GRID2: variants seen among roughly 807,000 people sequenced by gnomAD.
GRID2 encodes glutamate ionotropic receptor delta type subunit 2.
A neutral mutation model predicts 114.8 loss-of-function variants in GRID2; 33 were observed. The ratio of observed to expected loss-of-function variants is 0.29; its 90% confidence interval spans 0.22 to 0.38. The LOEUF is 0.38. Ranked by LOEUF, GRID2 falls within the 10% of genes least tolerant of loss-of-function variation. The pLI is 1.00. For missense variants in GRID2, 1,184 were observed against 1,257.7 expected, an observed-to-expected ratio of 0.94 and a Z score of 0.89; for synonymous variants, 505 against 449.9, an observed-to-expected ratio of 1.12 and a Z score of -1.55.
intron 13 of GRID2, among the ~76,000 whole-genome samples, chr4:93,557,835 G>T (rs555402313): frequency 5.3e-5 from 8 of 152,202 alleles, no homozygotes; most frequent in African/African-American, 1.9e-4. Flanking sequence ...CACATAATTG[G>T]AAGTAAAACA....
intron 4 of GRID2, among the ~76,000 whole-genome samples, chr4:93,145,743 G>T (rs1016832660): frequency 1.6e-5 from 2 of 128,382 alleles, no homozygotes; most frequent in Non-Finnish European, 1.6e-5. Context: ...TGAACTGGCC[G>T]CCTGGACCTC....
Position 92,664,310 on chromosome 4 carries a change from T to C in GRID2, c.244+74024T>C, listed in dbSNP as rs577511315. Among the ~76,000 whole-genome samples, 5 of 151,352 alleles carry C rather than the reference T, an allele frequency of 3.3e-5. No individual in the cohort carries two copies. The East Asian group carries it at 9.7e-4, about 29-fold the overall frequency. On this transcript the variant is annotated intron_variant, in intron 2 of 15. Coordinates refer to ENST00000282020, the MANE Select transcript of GRID2 (RefSeq NM_001510.4). Reference sequence around the variant, plus strand: ...GTTTTCTTTTGATTCTATTTTCTAGTTTCCCTTATTTCTCTTTCGATCAAT... The same window carrying C: ...GTTTTCTTTTGATTCTATTTTCTAGCTTCCCTTATTTCTCTTTCGATCAAT...
chr4:92,992,356 T>C (rs1455891531), intron 2 of GRID2, among the ~76,000 whole-genome samples: 1 of 152,132 alleles, frequency 6.6e-6, no homozygotes, highest in Non-Finnish European at 1.5e-5. Flanking sequence ...TCCTCATCAT[T>C]TCTAGGTGCA....
chr4:93,254,037 C>T (rs6848048), intron 8 of GRID2, among the ~76,000 whole-genome samples: 50 of 151,950 alleles, frequency 3.3e-4, no homozygotes, highest in African/African-American at 9.4e-4. Flanking sequence ...AAATAATCTA[C>T]CAAAGTTATA....
chr4:92,336,954 G>GTTTTTTTTTTTTTTT (rs59093874), intron 1 of GRID2, among the ~76,000 whole-genome samples: 60 of 78,086 alleles, frequency 7.7e-4, no homozygotes, highest in Non-Finnish European at 9.8e-4. Flanking sequence ...TTTCGTTGTT[G>GTTTTTTTTTTTTTTT]TTTTTTTTTT....
intron 13 of GRID2, among the ~76,000 whole-genome samples, chr4:93,575,049 C>T (rs930215451): frequency 6.6e-6 from 1 of 152,140 alleles, no homozygotes; most frequent in African/African-American, 2.4e-5. Context: ...GAACATTTTA[C>T]ATAGTGGTTC....
chr4:93,636,443 A>G (rs1049725709), intron 14 of GRID2, among the ~76,000 whole-genome samples: 5 of 152,100 alleles, frequency 3.3e-5, no homozygotes, highest in Non-Finnish European at 7.4e-5. Flanking sequence ...ATGCGCACAC[A>G]TACACACGCA....
At chr4:92,790,724 GAAAAAAA>G (rs148843080) in intron 2 of GRID2, among the ~76,000 whole-genome samples, 33 of 99,416 alleles carry the variant, frequency 3.3e-4, no homozygotes, top group Non-Finnish European at 4.5e-4. Flanking sequence ...AGCTTTTTAA[GAAAAAAA>G]AAAAAAAAAA....
At chr4:93,704,651 A>G (rs1017299513) in intron 14 of GRID2, among the ~76,000 whole-genome samples, 3 of 152,040 alleles carry the variant, frequency 2.0e-5, no homozygotes, top group Non-Finnish European at 2.9e-5. Context: ...CTTGCTCTTT[A>G]TGAGTTCAAT....
At chr4:93,761,821 C>A (rs1056908727) in intron 14 of GRID2, among the ~76,000 whole-genome samples, 1 of 152,140 alleles carries the variant, frequency 6.6e-6, no homozygotes, top group Non-Finnish European at 1.5e-5. Flanking sequence ...ATGTTACCAA[C>A]TGATCACTAA....
intron 2 of GRID2, among the ~76,000 whole-genome samples, chr4:92,655,549 T>C (rs1732182786): frequency 6.6e-6 from 1 of 151,986 alleles, no homozygotes; most frequent in Admixed American, 6.6e-5. Context: ...TTTTAATTTC[T>C]TTCACTGGTG....
chr4:92,494,575 G>C (rs186671011), intron 1 of GRID2, among the ~76,000 whole-genome samples: 1 of 152,018 alleles, frequency 6.6e-6, no homozygotes, highest in Admixed American at 6.6e-5. Context: ...ATCTGTAAAA[G>C]AGAGTTGGGC....
intron 2 of GRID2, among the ~76,000 whole-genome samples, chr4:92,627,677 A>C (rs1047075584): frequency 1.3e-5 from 2 of 152,084 alleles, no homozygotes; most frequent in Non-Finnish European, 2.9e-5. Context: ...ATTTCTTCTG[A>C]TATGTTTTCT....
intron 2 of GRID2, among the ~76,000 whole-genome samples, chr4:92,943,950 G>T (rs1751387824): frequency 6.6e-6 from 1 of 152,154 alleles, no homozygotes; most frequent in African/African-American, 2.4e-5. Context: ...TGGAAGTTTT[G>T]TCTCAGAGGG....
intron 14 of GRID2, among the ~76,000 whole-genome samples, chr4:93,730,489 T>C (rs1203855149): frequency 2.0e-5 from 3 of 152,146 alleles, no homozygotes; most frequent in Non-Finnish European, 4.4e-5. Context: ...AAAGCGACAA[T>C]CAAGCCTTTA....
chr4:92,796,602 A>C (rs1739888063), intron 2 of GRID2, among the ~76,000 whole-genome samples: 1 of 151,736 alleles, frequency 6.6e-6, no homozygotes, highest in African/African-American at 2.4e-5. Flanking sequence ...ATATATATAT[A>C]TTTTTCAGAG....
At chr4:93,332,212 G>A (rs1413536354) in intron 8 of GRID2, among the ~76,000 whole-genome samples, 1 of 150,922 alleles carries the variant, frequency 6.6e-6, no homozygotes, top group African/African-American at 2.4e-5. Flanking sequence ...AGACAATTAG[G>A]CCCACTCAAA....
chr4:92,942,470 T>A (rs1393490448), intron 2 of GRID2, among the ~76,000 whole-genome samples: 1 of 152,148 alleles, frequency 6.6e-6, no homozygotes, highest in African/African-American at 2.4e-5. Context: ...TGTCTCTGCA[T>A]GTGAGGTGGG....
At chr4:92,703,616 A>ATT (rs1173035910) in intron 2 of GRID2, among the ~76,000 whole-genome samples, 22 of 58,286 alleles carry the variant, frequency 3.8e-4, no homozygotes, top group African/African-American at 1.2e-3. Context: ...GAGGAAAAAC[A>ATT]TTATATATAT....
Sources: gnomAD v4.1 joint callset for allele counts (sites outside exome capture counted in the v4.1 genomes callset) on GRCh38, gnomAD v4.1.1 for gene constraint, MANE v1.5 for transcripts, NCBI Gene and HGNC (gene_info 2026-07-23, HGNC 2026-07-21) for gene names.